CLXN: variants seen among roughly 807,000 people sequenced by gnomAD.
CLXN encodes EF-hand calcium binding domain 1.
the CLXN span, chr8:48,713,720 A>G: frequency 6.6e-6 from 1 of 152,184 alleles, no homozygotes; most frequent in Admixed American, 6.5e-5. Flanking sequence ...GGTGTTGCAC[A>G]AAGTAGGAAC....
chr8:48,729,039 T>C, the CLXN span: 1 of 1,603,596 alleles, frequency 6.2e-7, no homozygotes, highest in East Asian at 2.2e-5. Flanking sequence ...GTCATATCAA[T>C]ACCTTTGGAT....
At chr8:48,730,619 A>G in the CLXN span, 1 of 1,611,112 alleles carries the variant, frequency 6.2e-7, no homozygotes, top group Non-Finnish European at 8.5e-7. Context: ...CACAGCCATC[A>G]TTATCTTTAT....
the CLXN span, chr8:48,729,287 G>C: frequency 1.6e-6 from 1 of 636,766 alleles, no homozygotes; most frequent in Non-Finnish European, 2.6e-6. Flanking sequence ...CACTTTGGGA[G>C]GCTAAGGCGG....
the CLXN span, among the ~76,000 whole-genome samples, chr8:48,727,420 G>T: frequency 6.6e-6 from 1 of 152,174 alleles, no homozygotes; most frequent in South Asian, 2.1e-4. Flanking sequence ...AAGAAGGGCT[G>T]GGGGATGAAC....
At chr8:48,727,792 A>G in the CLXN span, among the ~76,000 whole-genome samples, 11 of 152,288 alleles carry the variant, frequency 7.2e-5, no homozygotes, top group East Asian at 1.2e-3. Flanking sequence ...CAGAAAGCTA[A>G]CAATCTAGGC....
At chr8:48,722,662 C>A in the CLXN span, among the ~76,000 whole-genome samples, 2 of 152,044 alleles carry the variant, frequency 1.3e-5, no homozygotes, top group Non-Finnish European at 2.9e-5. Context: ...CAGTTGGTTG[C>A]CAAAGCCCCT....
chr8:48,721,306 G>T, the CLXN span, among the ~76,000 whole-genome samples: 1 of 152,040 alleles, frequency 6.6e-6, no homozygotes, highest in African/African-American at 2.4e-5. Flanking sequence ...GGAAATTAAA[G>T]AAAATACAGA....
chr8:48,718,106 AG>A, the CLXN span, among the ~76,000 whole-genome samples: 1 of 152,208 alleles, frequency 6.6e-6, no homozygotes. Context: ...TTAAATTTAA[AG>A]GCACATATAG....
At chr8:48,719,175 A>G in the CLXN span, among the ~76,000 whole-genome samples, 1 of 152,236 alleles carries the variant, frequency 6.6e-6, no homozygotes, top group African/African-American at 2.4e-5. Flanking sequence ...TAACAGAAGA[A>G]ATGGATAAAT....
chr8:48,729,781 G>C, the CLXN span: 1 of 1,613,326 alleles, frequency 6.2e-7, no homozygotes, highest in Non-Finnish European at 8.5e-7. Flanking sequence ...TTCCTCAGAT[G>C]GCTGTTTGAG....
the CLXN span, among the ~76,000 whole-genome samples, chr8:48,726,632 CCCACCCACCTCACCCAT>C: frequency 7.1e-6 from 1 of 140,372 alleles, no homozygotes; most frequent in South Asian, 2.4e-4. Context: ...CATCTACCCA[CCCACCCACCTCACCCAT>C]CCACCCACCT....
the CLXN span, chr8:48,735,257 G>T: frequency 7.7e-7 from 1 of 1,295,740 alleles, no homozygotes; most frequent in Non-Finnish European, 1.1e-6. Flanking sequence ...ACGCGGTGAG[G>T]TCTCAGTTAC....
the CLXN span, chr8:48,735,292 A>G: frequency 1.0e-6 from 1 of 960,350 alleles, no homozygotes; most frequent in Non-Finnish European, 1.6e-6. Context: ...GCCCTAACAG[A>G]CGGTGTAGCC....
the CLXN span, chr8:48,714,017 G>A: frequency 6.6e-6 from 1 of 152,282 alleles, no homozygotes; most frequent in Non-Finnish European, 1.5e-5. Context: ...AATGAGAGGA[G>A]CCAGTTAGAG....
chr8:48,726,314 C>T, the CLXN span, among the ~76,000 whole-genome samples: 1 of 148,702 alleles, frequency 6.7e-6, no homozygotes, highest in African/African-American at 2.5e-5. Flanking sequence ...CATCCATGTA[C>T]CTACACAGCC....
chr8:48,735,088 A>T, the CLXN span: 1 of 1,614,074 alleles, frequency 6.2e-7, no homozygotes, highest in Non-Finnish European at 8.5e-7. Context: ...CTACATTCTT[A>T]CTTACAATGC....
At chr8:48,734,963 G>A in the CLXN span, 1 of 1,029,760 alleles carries the variant, frequency 9.7e-7, no homozygotes, top group Middle Eastern at 2.2e-4. Context: ...AGGGGCCGGG[G>A]TGGAGGGGCG....
chr8:48,721,354 A>G, the CLXN span, among the ~76,000 whole-genome samples: 316 of 151,026 alleles, frequency 2.1e-3, 1 homozygote, highest in African/African-American at 7.5e-3. Context: ...AATTGGAAGA[A>G]TTTATATTAT....
the CLXN span, among the ~76,000 whole-genome samples, chr8:48,723,242 G>A: frequency 2.6e-5 from 4 of 152,232 alleles, no homozygotes; most frequent in Non-Finnish European, 5.9e-5. Context: ...AAAACATCAA[G>A]TTGTATACCT....
Sources: allele counts gnomAD v4.1 joint callset (sites outside exome capture counted in the v4.1 genomes callset), GRCh38; gene constraint gnomAD v4.1.1; transcripts MANE v1.5; gene names NCBI Gene and HGNC (gene_info 2026-07-23, HGNC 2026-07-21).